ERI2: variants seen among roughly 807,000 people sequenced by gnomAD.
ERI2 encodes the protein ERI1 exoribonuclease 2.
A neutral mutation model predicts 46.8 loss-of-function variants in ERI2; 35 were observed. The observed-to-expected ratio is 0.75, with a 90% confidence interval of 0.57 to 0.99. ERI2 has a LOEUF of 0.99. ERI2 is among the 50% of genes least tolerant of loss of function. The probability of loss-of-function intolerance (pLI) is 0.00; values close to 1 mark genes in which losing one functional copy is unlikely to be tolerated. For synonymous variants in ERI2, 224 were observed against 271.0 expected (o/e 0.83, Z 1.70); for missense variants, 695 against 796.2 (o/e 0.87, Z 1.53).
intron 7 of ERI2, chr16:20,799,567 T>TA: frequency 3.6e-6 from 2 of 553,632 alleles, no homozygotes; most frequent in Non-Finnish European, 6.3e-6. Flanking sequence ...TCCACATTTA[T>TA]AGAGGAGGAT....
chr16:20,786,162 T>C, intron 10 of ERI2: 1 of 1,609,116 alleles, frequency 6.2e-7, no homozygotes, highest in African/African-American at 1.3e-5. Context: ...TGTTAAGGTT[T>C]GCACATCCCC....
chr16:20,794,818 C>T (rs184691248), downstream of ERI2, among the ~76,000 whole-genome samples: 104 of 152,350 alleles, frequency 6.8e-4, no homozygotes, highest in Non-Finnish European at 1.2e-3. Context: ...ACACAACAAA[C>T]TGTGACTTGA....
intron 9 of ERI2, chr16:20,789,658 G>A (rs888630698): frequency 1.9e-5 from 12 of 631,486 alleles, no homozygotes; most frequent in South Asian, 8.7e-5. Flanking sequence ...TGGCAAAACT[G>A]TATATTATAA....
At position 20,797,141 on chromosome 16, in the gene ERI2, T is replaced by C; in HGVS notation, c.*583A>G. 7.3e-7 allele frequency: 1 copy of C among 1,362,716 alleles called. No homozygotes were observed. The highest frequency in any genetic ancestry group is 1.9e-5 in the South Asian group (1 of 53,168). 84.4% of individuals were successfully genotyped at this position (1,362,716 alleles called of 1,614,324 possible). On this transcript the variant is annotated 3_prime_UTR_variant, in exon 9 of 9. Coordinates refer to ENST00000357967, the MANE Select transcript of ERI2 (RefSeq NM_001142725.2). ...AGAGGCTAAATTTTGAAATAAAATA[T>C]TTGGCAAATTCCTCCACATTAGTGT...
At chr16:20,806,207 G>A (rs1350534524) in intron 1 of ERI2, 1 of 1,399,830 alleles carries the variant, frequency 7.1e-7, no homozygotes, top group Non-Finnish European at 9.3e-7. Flanking sequence ...GTCACCCTCG[G>A]GTAGAAGGTG....
At chr16:20,803,735 AC>A (rs2080820283) in intron 1 of ERI2, 65 bp from the exon 2 acceptor site, 32 of 1,537,538 alleles carry the variant, frequency 2.1e-5, no homozygotes, top group Non-Finnish European at 2.4e-5. Context: ...TGAGTAGGCT[AC>A]CAAACTAATG....
intron 5 of ERI2, 46 bp downstream of exon 5, chr16:20,801,157 G>A (rs766761235): frequency 4.8e-6 from 7 of 1,454,042 alleles, no homozygotes; most frequent in Non-Finnish European, 6.5e-6. Flanking sequence ...ATTACATAGT[G>A]GTAATGCTAC....
chr16:20,797,380 A>C lies in ERI2; in HGVS notation c.*344T>G, dbSNP rs1288675852. 3.0e-6 allele frequency: 3 copies of C among 985,648 alleles called. No individual in the cohort carries two copies. Among genetic ancestry groups the C allele is most frequent in the South Asian group, 9.5e-5 (2 of 21,160 alleles). The allele number at this position is 985,648 out of a possible 1,614,324, so 61.1% of individuals were successfully genotyped here. On this transcript the variant is annotated 3_prime_UTR_variant, in exon 9 of 9. Transcript: ENST00000357967. ...AGAACTTATAAAAGTTTTTAGAAAA[A>C]TATAAAATATCAGTTAGAAGATTAT...
Position 20,798,251 on chromosome 16 carries a change from A to T in ERI2, c.1549T>A (p.Ser517Thr). ...TGTTTCCCCAAAACTAAAGGATGAG[A>T]CATATTGGCATTAACTCTGTTGAAG... ...STFNRVNANM[S>T]HPLVLGKHPL... The change falls in exon 9 of 9, where the codon TCT becomes ACT. Residue 517 changes from serine (S) to threonine (T), a missense_variant. Physicochemically the swap from Ser to Thr is moderately conservative, Grantham distance 58. Coordinates refer to ENST00000357967, the MANE Select transcript of ERI2 (RefSeq NM_001142725.2). 1 of 1,551,570 alleles carries T rather than the reference A, an allele frequency of 6.4e-7. No individual in the cohort carries two copies. The highest frequency in any genetic ancestry group is 8.7e-7 in the Non-Finnish European group (1 of 1,146,906).
exon 11 of ERI2, chr16:20,780,392 T>A: frequency 2.1e-6 from 1 of 481,398 alleles, no homozygotes; most frequent in Non-Finnish European, 3.7e-6. Flanking sequence ...GATTGCAAGA[T>A]CACACAGACT....
chr16:20,791,951 G>A, downstream of ERI2: 1 of 1,562,636 alleles, frequency 6.4e-7, no homozygotes, highest in Non-Finnish European at 8.7e-7. Context: ...AATTCCAATT[G>A]ACCAGAAGAG....
chr16:20,789,139 AT>A (rs373236106), intron 10 of ERI2, among the ~76,000 whole-genome samples: 5 of 152,180 alleles, frequency 3.3e-5, no homozygotes, highest in Non-Finnish European at 5.9e-5. Flanking sequence ...TGCTAATCTG[AT>A]TTTTTTAATT....
intron 7 of ERI2, 92 bp from the exon 8 acceptor site, chr16:20,799,443 G>A: frequency 8.2e-7 from 1 of 1,222,386 alleles, no homozygotes; most frequent in South Asian, 1.5e-5. Flanking sequence ...AACACCACTT[G>A]TGTAGAAATT....
chr16:20,786,197 A>G, intron 10 of ERI2: 1 of 1,605,062 alleles, frequency 6.2e-7, no homozygotes, highest in Non-Finnish European at 8.5e-7. Context: ...TTAACAACCC[A>G]ATCTGTACAC....
Position 20,798,288 on chromosome 16 carries a change from G to T in ERI2, c.1512C>A (p.His504Gln). 6.4e-7 allele frequency: 1 copy of T among 1,551,518 alleles called. No individual in the cohort carries two copies. Among genetic ancestry groups the T allele is most frequent in the Non-Finnish European group, 8.7e-7 (1 of 1,146,900 alleles). The change falls in exon 9 of 9, where the codon CAC becomes CAA. Residue 504 changes from histidine to glutamine, a missense_variant. His to Gln is a conservative substitution (Grantham distance 24). Coordinates refer to ENST00000357967, the MANE Select transcript of ERI2 (RefSeq NM_001142725.2). ...TAACTCTGTTGAAGGTACTTGATTT[G>T]TGTTCAGGTAACTTAAAGGCAGAAA... ...SDISAFKLPE[H>Q]KSSTFNRVNA... is the part of the protein sequence containing the mutation.
At chr16:20,791,843 G>A (rs1363265970), downstream of ERI2, among the ~76,000 whole-genome samples, 4 of 151,808 alleles carry the variant, frequency 2.6e-5, no homozygotes, top group Non-Finnish European at 5.9e-5. Flanking sequence ...CAGGAGAATC[G>A]CTTGAACCTG....
At chr16:20,805,067 T>C (rs2080842429) in intron 1 of ERI2, among the ~76,000 whole-genome samples, 1 of 152,176 alleles carries the variant, frequency 6.6e-6, no homozygotes, top group Non-Finnish European at 1.5e-5. Flanking sequence ...ATCTTTCTAG[T>C]AATCAGAAAT....
At chr16:20,800,526 C>A in intron 5 of ERI2, 124 bp from the exon 6 acceptor site, 1 of 495,764 alleles carries the variant, frequency 2.0e-6, no homozygotes. Flanking sequence ...TTTCATTGCT[C>A]TGCTAATATC....
At chr16:20,786,423 G>A (rs1440446361) in intron 10 of ERI2, 12 of 604,474 alleles carry the variant, frequency 2.0e-5, no homozygotes, top group Non-Finnish European at 2.4e-5. Flanking sequence ...GCTCACGCCT[G>A]TAATCCCAAC....
Sources: allele counts gnomAD v4.1 joint callset (sites outside exome capture counted in the v4.1 genomes callset), GRCh38; gene constraint gnomAD v4.1.1; transcripts MANE v1.5; gene names NCBI Gene and HGNC (gene_info 2026-07-23, HGNC 2026-07-21).